IMMT: variants seen among roughly 807,000 people sequenced by gnomAD.
IMMT encodes MICOS complex subunit MIC60.
In IMMT, 40 loss-of-function variants were observed where a neutral mutation model predicts 92.7. The ratio of observed to expected loss-of-function variants is 0.43; its 90% confidence interval spans 0.34 to 0.56. The LOEUF (loss-of-function observed/expected upper bound fraction) is 0.56. Among genes scored for constraint, IMMT ranks in the 20% least tolerant of loss-of-function variants. The pLI is 0.03. For synonymous variants in IMMT, 322 were observed against 336.1 expected (o/e 0.96, Z 0.46); for missense variants, 831 against 912.1 (o/e 0.91, Z 1.14).
intron 3 of IMMT, among the ~76,000 whole-genome samples, chr2:86,176,363 G>A (rs1170975784): frequency 1.3e-5 from 2 of 152,206 alleles, no homozygotes; most frequent in Non-Finnish European, 2.9e-5. Flanking sequence ...ATATAAGGAT[G>A]ACCCAGATTC....
Position 86,144,031 on chromosome 2 carries a change from C to T in IMMT, c.*237G>A. The T allele has an allele frequency of 1.7e-6, 1 of 576,746 alleles. No individual in the cohort carries two copies. The highest frequency in any genetic ancestry group is 3.0e-5 in the East Asian group (1 of 33,604). The allele number at this position is 576,746 out of a possible 1,614,324, so 35.7% of individuals were successfully genotyped here. A position where few individuals can be genotyped will look rare whatever the true frequency, so the allele number is the denominator to read the frequency against. On this transcript the variant is annotated 3_prime_UTR_variant, in exon 15 of 15. Coordinates refer to ENST00000410111, the MANE Select transcript of IMMT (RefSeq NM_006839.3). ...TTTTGATTGGCCTCACAAGCCTCAT[C>T]AGTAAAACCTGAAAAAACAGAAAAT...
chr2:86,145,387 C>A (rs957081200), intron 14 of IMMT, among the ~76,000 whole-genome samples: 57 of 149,964 alleles, frequency 3.8e-4, no homozygotes, highest in African/African-American at 1.4e-3. Flanking sequence ...CCCAGCTACT[C>A]AGGAGTCTGA....
At chr2:86,171,435 C>T in intron 4 of IMMT, 90 bp from the exon 5 acceptor site, 1 of 1,154,518 alleles carries the variant, frequency 8.7e-7, no homozygotes, top group African/African-American at 1.5e-5. Flanking sequence ...CCACCCACTT[C>T]ACATCTGACT....
chr2:86,193,646 G>A (rs1405882881), intron 1 of IMMT, among the ~76,000 whole-genome samples: 1 of 152,122 alleles, frequency 6.6e-6, no homozygotes, highest in Non-Finnish European at 1.5e-5. Flanking sequence ...GAAAACAAGA[G>A]AGATGGGACC....
intron 1 of IMMT, among the ~76,000 whole-genome samples, chr2:86,187,159 A>G (rs1173662061): frequency 6.6e-6 from 1 of 152,114 alleles, no homozygotes; most frequent in Non-Finnish European, 1.5e-5. Context: ...ATCTTAGAAC[A>G]TTTTCATCAC....
At chr2:86,159,467 T>C in intron 9 of IMMT, 69 bp downstream of exon 9, 1 of 1,258,182 alleles carries the variant, frequency 7.9e-7, no homozygotes, top group Non-Finnish European at 1.1e-6. Context: ...GCTGTTTTCC[T>C]AAATCCTTAA....
intron 1 of IMMT, among the ~76,000 whole-genome samples, chr2:86,182,509 A>G (rs550911041): frequency 1.9e-4 from 29 of 152,370 alleles, no homozygotes; most frequent in African/African-American, 7.0e-4. Context: ...GTTTTAAAAT[A>G]TGTAAAGCAG....
chr2:86,175,397 T>A (rs2105315600), intron 3 of IMMT, among the ~76,000 whole-genome samples: 1 of 152,272 alleles, frequency 6.6e-6, no homozygotes, highest in Non-Finnish European at 1.5e-5. Context: ...TATATATGTA[T>A]GTCATATATA....
intron 6 of IMMT, among the ~76,000 whole-genome samples, chr2:86,167,533 A>G (rs1403169432): frequency 1.2e-4 from 16 of 129,376 alleles, no homozygotes; most frequent in East Asian, 2.5e-4. Flanking sequence ...CGCCCAGGCT[A>G]GAGTGCAGTG....
Position 86,147,713 on chromosome 2 carries a change from C to T in IMMT, c.1522G>A (p.Glu508Lys). The change falls in exon 13 of 15, where the codon GAA (glutamate) becomes AAA (lysine). Residue 508 changes from glutamate to lysine, a missense_variant. Physicochemically the swap from Glu to Lys is moderately conservative, Grantham distance 56 (BLOSUM62 1). Transcript: ENST00000410111. ...LRVQEQELKS[E>K]FEQNLSEKLS... The stretch of plus-strand genomic sequence containing the variant: ...GTCCAGGTCCTCACCTGCTCAAATT[C>T]AGACTTCAATTCCTGTTCTTGTACC... 1.9e-6 allele frequency: 3 copies of T among 1,613,164 alleles called. No individual in the cohort carries two copies. The highest frequency in any genetic ancestry group is 2.5e-6 in the Non-Finnish European group (3 of 1,179,536).
At chr2:86,158,450 T>A (rs1195227474) in intron 10 of IMMT, 142 bp downstream of exon 10, 2 of 587,020 alleles carry the variant, frequency 3.4e-6, no homozygotes, top group Non-Finnish European at 5.9e-6. Context: ...GTAATGACTG[T>A]GGTTAAAATA....
intron 1 of IMMT, among the ~76,000 whole-genome samples, chr2:86,190,653 C>T (rs1440235041): frequency 6.6e-6 from 1 of 152,212 alleles, no homozygotes; most frequent in Non-Finnish European, 1.5e-5. Context: ...TGAATACCCA[C>T]ATCTAAGGAA....
intron 1 of IMMT, 124 bp downstream of exon 1, chr2:86,195,214 C>G (rs1209689538): frequency 9.2e-7 from 1 of 1,085,640 alleles, no homozygotes; most frequent in Admixed American, 3.4e-5. Flanking sequence ...GGGCCTCTCC[C>G]GACGAGGGTG....
chr2:86,182,843 C>A (rs915436593), intron 1 of IMMT, among the ~76,000 whole-genome samples: 16 of 151,442 alleles, frequency 1.1e-4, no homozygotes, highest in African/African-American at 1.5e-4. Context: ...AGAATGAGAC[C>A]CTGTCTCCTC....
chr2:86,147,767 G>A lies in IMMT; in HGVS notation c.1468C>T (p.His490Tyr). 6.2e-7 allele frequency: 1 copy of A among 1,613,820 alleles called. No homozygotes were observed. The highest frequency in any genetic ancestry group is 8.5e-7 in the Non-Finnish European group (1 of 1,179,746). The change falls in exon 13 of 15, where the codon CAC becomes TAC. Residue 490 changes from histidine (H) to tyrosine (Y), a missense_variant. His to Tyr is a moderately conservative substitution (Grantham distance 83). Coordinates refer to ENST00000410111, the MANE Select transcript of IMMT (RefSeq NM_006839.3). Reference sequence around the variant, plus strand: ...AGGACATCTCGCAAGTGATCAGTGTGGGCAGCTGCCTGTCGGCGAAGCTGG... The same window carrying A: ...AGGACATCTCGCAAGTGATCAGTGTAGGCAGCTGCCTGTCGGCGAAGCTGG... ...RTQLRRQAAAHTDHLRDVLRV... is the reference protein window; with the variant it reads ...RTQLRRQAAAYTDHLRDVLRV...
intron 7 of IMMT, among the ~76,000 whole-genome samples, chr2:86,164,463 G>A (rs536335120): frequency 6.6e-6 from 1 of 151,944 alleles, no homozygotes; most frequent in Non-Finnish European, 1.5e-5. Flanking sequence ...GGTGGAGGCA[G>A]GTAGATCACT....
intron 1 of IMMT, among the ~76,000 whole-genome samples, chr2:86,192,438 T>A (rs954476762): frequency 6.6e-6 from 1 of 151,746 alleles, no homozygotes; most frequent in Non-Finnish European, 1.5e-5. Context: ...TGAGACCCCA[T>A]CTCTAAAAAA....
chr2:86,173,629 G>T (rs1406683389), intron 4 of IMMT, 21 bp downstream of exon 4: 1 of 1,290,780 alleles, frequency 7.7e-7, no homozygotes, highest in South Asian at 1.3e-5. Context: ...ATTTTAAAAA[G>T]ATGGTTCAAA....
At chr2:86,153,657 G>A in intron 10 of IMMT, 83 bp from the exon 11 acceptor site, 2 of 868,232 alleles carry the variant, frequency 2.3e-6, no homozygotes, top group Admixed American at 3.6e-5. Context: ...ATATCTAAAA[G>A]GAAACAAGAA....
Sources: gnomAD v4.1 joint callset for allele counts (sites outside exome capture counted in the v4.1 genomes callset) on GRCh38, gnomAD v4.1.1 for gene constraint, MANE v1.5 for transcripts, NCBI Gene and HGNC (gene_info 2026-07-23, HGNC 2026-07-21) for gene names.